The following NSUN6 variants were observed in gnomAD, a reference collection of about 807,000 sequenced individuals.
NSUN6 encodes the protein NOP2/Sun RNA methyltransferase 6.
A neutral mutation model predicts 58.0 loss-of-function variants in NSUN6; 64 were observed. The observed-to-expected ratio is 1.10, with a 90% CI of 0.90 to 1.36. The LOEUF is 1.36. Among genes scored for constraint, NSUN6 ranks in the 40% most tolerant of loss-of-function variants. The probability of loss-of-function intolerance (pLI) is 0.00; values close to 1 mark genes in which losing one functional copy is unlikely to be tolerated. For synonymous variants in NSUN6, 231 were observed against 193.9 expected (o/e 1.19, Z -1.59); for missense variants, 701 against 550.1 (o/e 1.27, Z -2.74).
intron 8 of NSUN6, among the ~76,000 whole-genome samples, chr10:18,571,834 T>A (rs557525942): frequency 6.6e-6 from 1 of 151,584 alleles, no homozygotes; most frequent in African/African-American, 2.4e-5. Flanking sequence ...TCCATTCTAT[T>A]TTATTCACCA....
intron 3 of NSUN6, among the ~76,000 whole-genome samples, chr10:18,620,669 T>C (rs972551138): frequency 4.6e-5 from 7 of 152,340 alleles, no homozygotes; most frequent in Admixed American, 2.6e-4. Flanking sequence ...AATGAAATAA[T>C]ATCTGCTTAG....
At chr10:18,625,723 A>ATTTT in intron 3 of NSUN6, among the ~76,000 whole-genome samples, 1 of 108,040 alleles carries the variant, frequency 9.3e-6, no homozygotes, top group African/African-American at 3.4e-5. Flanking sequence ...TTTTTTTTAA[A>ATTTT]AAAAAAAAAA....
At chr10:18,650,048 T>C (rs910960879) in intron 1 of NSUN6, among the ~76,000 whole-genome samples, 2 of 152,202 alleles carry the variant, frequency 1.3e-5, no homozygotes, top group Non-Finnish European at 2.9e-5. Flanking sequence ...CAAAGTTGCT[T>C]AGAGGCAACA....
intron 3 of NSUN6, among the ~76,000 whole-genome samples, chr10:18,626,208 A>G (rs1157741466): frequency 6.6e-6 from 1 of 151,882 alleles, no homozygotes; most frequent in Non-Finnish European, 1.5e-5. Context: ...TTGGGAAATA[A>G]CAATGTTACA....
At chr10:18,558,254 A>AGAGAATGGAAGGGAATGGAATG (rs1564713990) in intron 8 of NSUN6, among the ~76,000 whole-genome samples, 1 of 150,000 alleles carries the variant, frequency 6.7e-6, no homozygotes, top group African/African-American at 2.4e-5. Flanking sequence ...GGAGTGCAAT[A>AGAGAATGGAAGGGAATGGAATG]GAGAATGGAA....
At chr10:18,552,098 C>G in intron 8 of NSUN6, 127 bp from the exon 9 acceptor site, 1 of 613,606 alleles carries the variant, frequency 1.6e-6, no homozygotes, top group Non-Finnish European at 2.8e-6. Flanking sequence ...TCCCTTCAAT[C>G]AAGTAGCTGG....
chr10:18,619,049 G>C (rs201588290), intron 3 of NSUN6, among the ~76,000 whole-genome samples: 1 of 152,112 alleles, frequency 6.6e-6, no homozygotes, highest in East Asian at 1.9e-4. Flanking sequence ...ATGCCAGAGA[G>C]GTCTATTTGT....
At chr10:18,567,922 T>C (rs964861895) in intron 8 of NSUN6, among the ~76,000 whole-genome samples, 55 of 151,596 alleles carry the variant, frequency 3.6e-4, no homozygotes, top group African/African-American at 1.2e-3. Context: ...CATTCCATTT[T>C]CCATTCCATT....
At chr10:18,609,439 G>A (rs1461512135) in intron 6 of NSUN6, among the ~76,000 whole-genome samples, 1 of 152,056 alleles carries the variant, frequency 6.6e-6, no homozygotes, top group Non-Finnish European at 1.5e-5. Flanking sequence ...AGTCCTAACA[G>A]ATCTGTTCTT....
At chr10:18,632,200 A>G in intron 3 of NSUN6, among the ~76,000 whole-genome samples, 1 of 152,138 alleles carries the variant, frequency 6.6e-6, no homozygotes, top group Admixed American at 6.6e-5. Context: ...CTGGCTAGCC[A>G]TATGTAGAAA....
chr10:18,566,512 C>CCA (rs2055962084), intron 8 of NSUN6, among the ~76,000 whole-genome samples: 4 of 147,846 alleles, frequency 2.7e-5, no homozygotes, highest in East Asian at 2.0e-4. Flanking sequence ...ATTCTCCATT[C>CCA]TATTCCACTC....
At chr10:18,603,984 C>T (rs191905737) in intron 6 of NSUN6, among the ~76,000 whole-genome samples, 2 of 152,060 alleles carry the variant, frequency 1.3e-5, no homozygotes, top group African/African-American at 4.8e-5. Flanking sequence ...GAGATCGAGA[C>T]CATCCTGGCC....
At chr10:18,597,120 T>C (rs546363941) in intron 6 of NSUN6, among the ~76,000 whole-genome samples, 8 of 152,140 alleles carry the variant, frequency 5.3e-5, no homozygotes, top group Non-Finnish European at 1.0e-4. Context: ...GACCTAAATA[T>C]ATATTATGAG....
chr10:18,568,611 T>C (rs1374672918), intron 8 of NSUN6, among the ~76,000 whole-genome samples: 1 of 150,336 alleles, frequency 6.7e-6, no homozygotes, highest in Admixed American at 6.6e-5. Context: ...CAAATCCCCA[T>C]TGCATTCCAT....
intron 1 of NSUN6, among the ~76,000 whole-genome samples, chr10:18,650,192 T>C (rs1197193889): frequency 6.6e-6 from 1 of 152,148 alleles, no homozygotes; most frequent in African/African-American, 2.4e-5. Context: ...ACAATGCAAG[T>C]TGTTTTCATT....
chr10:18,555,132 G>A (rs2054893953), intron 8 of NSUN6, among the ~76,000 whole-genome samples: 1 of 150,542 alleles, frequency 6.6e-6, no homozygotes, highest in Non-Finnish European at 1.5e-5. Flanking sequence ...AATGGAGAAT[G>A]TAATGTAATG....
upstream of NSUN6, chr10:18,658,613 GTGTTA>G (rs1447421705): frequency 2.1e-6 from 2 of 947,692 alleles, no homozygotes; most frequent in African/African-American, 1.8e-5. Flanking sequence ...GGGGTGCTAT[GTGTTA>G]TTATTATGTG....
intron 1 of NSUN6, among the ~76,000 whole-genome samples, chr10:18,650,771 T>G (rs1326680545): frequency 6.6e-6 from 1 of 152,232 alleles, no homozygotes; most frequent in Non-Finnish European, 1.5e-5. Context: ...ACTCAACAAA[T>G]TACAGAAACC....
At chr10:18,630,687 A>AAC (rs1564826978) in intron 3 of NSUN6, among the ~76,000 whole-genome samples, 1 of 152,160 alleles carries the variant, frequency 6.6e-6, no homozygotes, top group East Asian at 1.9e-4. Context: ...CACATACATT[A>AAC]TCCCAAGACT....
Sources: allele counts gnomAD v4.1 joint callset (sites outside exome capture counted in the v4.1 genomes callset), GRCh38; gene constraint gnomAD v4.1.1; transcripts MANE v1.5; gene names NCBI Gene and HGNC (gene_info 2026-07-23, HGNC 2026-07-21).